The following RPS6KA5 variants were observed in gnomAD, a reference collection of about 807,000 sequenced individuals.
RPS6KA5 encodes the protein ribosomal protein S6 kinase alpha-5.
In RPS6KA5, 27 loss-of-function variants were observed where a neutral mutation model predicts 85.5. That is an observed-to-expected ratio of 0.32 (90% confidence interval 0.23 to 0.44). RPS6KA5 has a LOEUF of 0.44. RPS6KA5 is among the 20% of genes least tolerant of loss of function. The pLI is 1.00. For missense variants in RPS6KA5, 811 were observed against 980.9 expected (o/e 0.83, Z 2.31); for synonymous variants, 334 against 348.2 (o/e 0.96, Z 0.46).
chr14:90,872,184 A>T lies in RPS6KA5; in HGVS notation c.2299T>A (p.Ser767Thr). 6.2e-7 allele frequency: 1 copy of T among 1,613,536 alleles called. No individual in the cohort carries two copies. Among genetic ancestry groups the T allele is most frequent in the East Asian group, 2.2e-5 (1 of 44,862 alleles). Residue 767 changes from serine (S) to threonine (T), a missense_variant, in exon 17 of 17, where the codon TCC becomes ACC. Physicochemically the swap from Ser to Thr is moderately conservative, Grantham distance 58 (BLOSUM62 1). Around this residue, in one of 3 missense-constraint regions of RPS6KA5, gnomAD observed 650 missense variants for 793.4 expected, o/e 0.82. Coordinates refer to ENST00000614987, the MANE Select transcript of RPS6KA5 (RefSeq NM_004755.4). Reference protein sequence around the residue: ...SSSSESSHSSSSHSHGKTTPT... With the variant: ...SSSSESSHSSTSHSHGKTTPT... ...GTAGTTTTACCGTGAGAATGAGAGG[A>T]AGAAGAATGGGAACTCTCACTGGAA... is the stretch of plus-strand genomic sequence containing the variant.
At chr14:91,030,611 GAAAAAAAAAAAAAAA>G (rs58737573) in intron 1 of RPS6KA5, among the ~76,000 whole-genome samples, 21 of 22,026 alleles carry the variant, frequency 9.5e-4, no homozygotes, top group East Asian at 3.1e-3. Flanking sequence ...AAAATAAACA[GAAAAAAAAAAAAAAA>G]AAAAAAAAAA....
At chr14:90,940,721 G>A (rs777709756) in intron 5 of RPS6KA5, among the ~76,000 whole-genome samples, 48 of 152,214 alleles carry the variant, frequency 3.2e-4, no homozygotes, top group African/African-American at 8.4e-4. Flanking sequence ...ACTGGTCTGC[G>A]GCCTGTTAGG....
intron 1 of RPS6KA5, among the ~76,000 whole-genome samples, chr14:91,034,155 A>G (rs1246849245): frequency 2.6e-5 from 4 of 151,968 alleles, no homozygotes; most frequent in Admixed American, 1.3e-4. Context: ...ATACAAAAAA[A>G]TTTGCTGGGC....
intron 3 of RPS6KA5, among the ~76,000 whole-genome samples, chr14:90,959,361 T>C (rs2038683514): frequency 6.6e-6 from 1 of 152,202 alleles, no homozygotes; most frequent in African/African-American, 2.4e-5. Flanking sequence ...TTCATTTTAA[T>C]AGGAGCAATG....
Position 90,902,856 on chromosome 14 carries a change from G to A in RPS6KA5, c.1071C>T (p.Pro357=). Residue 357 remains proline (P), a synonymous_variant, in exon 9 of 17, where the codon CCC becomes CCT. Coordinates refer to ENST00000614987, the MANE Select transcript of RPS6KA5 (RefSeq NM_004755.4). ...NFAEEFTEMD[P]TYSPAALPQS... is the part of the protein sequence containing the mutation. ...GGGGCAGGGCTGCGGGAGAATAAGT[G>A]GGATCCATTTCTGTGAACTCTTCTG... 1.2e-6 allele frequency: 2 copies of A among 1,613,958 alleles called. No individual in the cohort carries two copies. Among genetic ancestry groups the A allele is most frequent in the Non-Finnish European group, 1.7e-6 (2 of 1,179,936 alleles).
intron 8 of RPS6KA5, among the ~76,000 whole-genome samples, chr14:90,905,776 T>C (rs1268841282): frequency 6.6e-6 from 1 of 152,192 alleles, no homozygotes; most frequent in Non-Finnish European, 1.5e-5. Context: ...TAATAGCTCA[T>C]GAACTGAGAC....
At chr14:90,960,594 A>C (rs1015675200) in intron 3 of RPS6KA5, among the ~76,000 whole-genome samples, 4 of 152,134 alleles carry the variant, frequency 2.6e-5, no homozygotes, top group Non-Finnish European at 5.9e-5. Flanking sequence ...TCCTCATATA[A>C]AATACATATT....
At chr14:91,002,084 T>C (rs1017967352) in intron 1 of RPS6KA5, among the ~76,000 whole-genome samples, 1 of 152,110 alleles carries the variant, frequency 6.6e-6, no homozygotes, top group Non-Finnish European at 1.5e-5. Context: ...TCTGTAGAAG[T>C]GGTTAAGAAA....
intron 1 of RPS6KA5, among the ~76,000 whole-genome samples, chr14:91,004,922 C>G (rs903526399): frequency 6.6e-6 from 1 of 151,334 alleles, no homozygotes; most frequent in African/African-American, 2.4e-5. Context: ...GAGCCAAGAT[C>G]GCGCGCCACT....
rs1555353344 is a variant in RPS6KA5, at chr14:90,854,150, T to G, written c.*17924A>C. On this transcript the variant is annotated 3_prime_UTR_variant, in exon 17 of 17. Transcript: ENST00000614987. ...GATATCTGTTTATATAGACTATTGA[T>G]GCAAACTAATTTTAAGTAATTATAG... 1 of 147,042 alleles carries G rather than the reference T, an allele frequency of 6.8e-6. No individual in the cohort carries two copies. Among genetic ancestry groups the G allele is most frequent in the Non-Finnish European group, 1.5e-5 (1 of 67,690 alleles). 9.1% of individuals were successfully genotyped at this position (147,042 alleles called of 1,614,324 possible).
At chr14:90,903,057 G>T (rs2035269589) in intron 8 of RPS6KA5, 88 bp from the exon 9 acceptor site, 4 of 1,092,638 alleles carry the variant, frequency 3.7e-6, no homozygotes, top group Non-Finnish European at 5.4e-6. Flanking sequence ...GATTTTGACT[G>T]GTAGGGAGAG....
In RPS6KA5 at chr14:91,009,703, G is replaced by A. The variant is rs184505518; in HGVS notation, c.104-8544C>T. Reference sequence around the variant, plus strand: ...TCAACACTGATTTTGAAGAATGGCAGAAAAAAACCCCAAAAGAGCTTTCAT... The same window carrying A: ...TCAACACTGATTTTGAAGAATGGCAAAAAAAAACCCCAAAAGAGCTTTCAT... On this transcript the variant is annotated intron_variant, in intron 1 of 16. Transcript: ENST00000614987. Among the ~76,000 whole-genome samples, 121 of 152,186 alleles carry A rather than the reference G, an allele frequency of 8.0e-4. 1 individual carries two copies. The highest frequency in any genetic ancestry group is 2.8e-3 in the African/African-American group (115 of 41,528).
rs56931570 is a variant in RPS6KA5 at position 90,852,886 on chromosome 14, C to T, written c.*19188G>A. ...CTGGGACTACAGGCGCCTGCCACCACGCCCGGCTAATTTTTGTTGTATTTT... is the reference window on the plus strand; with the variant it reads ...CTGGGACTACAGGCGCCTGCCACCATGCCCGGCTAATTTTTGTTGTATTTT... On this transcript the variant is annotated 3_prime_UTR_variant, in exon 17 of 17. Coordinates refer to ENST00000614987, the MANE Select transcript of RPS6KA5 (RefSeq NM_004755.4). 15,208 of 150,794 alleles carry T rather than the reference C, an allele frequency of 0.1. 1,825 individuals carry two copies. Among genetic ancestry groups the T allele is most frequent in the African/African-American group, 0.3 (12,132 of 41,114 alleles). The allele number at this position is 150,794 out of a possible 1,614,324, so 9.3% of individuals were successfully genotyped here.
intron 1 of RPS6KA5, among the ~76,000 whole-genome samples, chr14:91,034,609 G>T (rs2042324382): frequency 2.6e-5 from 4 of 152,076 alleles, no homozygotes; most frequent in Admixed American, 6.5e-5. Context: ...GCATGACATG[G>T]GCAGCAACAA....
intron 3 of RPS6KA5, among the ~76,000 whole-genome samples, chr14:90,957,110 AC>A (rs1419138373): frequency 1.3e-5 from 2 of 151,662 alleles, no homozygotes. Context: ...TGTCACCCAC[AC>A]TGAAGTACAG....
At chr14:90,913,406 T>C (rs2035940704) in intron 7 of RPS6KA5, among the ~76,000 whole-genome samples, 2 of 152,212 alleles carry the variant, frequency 1.3e-5, no homozygotes, top group South Asian at 2.1e-4. Flanking sequence ...TGAAAAGAGC[T>C]TTCTTTTTAA....
chr14:90,993,250 G>A (rs1451393856), intron 2 of RPS6KA5, among the ~76,000 whole-genome samples: 1 of 152,140 alleles, frequency 6.6e-6, no homozygotes, highest in African/African-American at 2.4e-5. Flanking sequence ...GATCGGCCTG[G>A]CTAATATGGT....
chr14:91,052,817 A>G (rs1228354929), intron 1 of RPS6KA5, among the ~76,000 whole-genome samples: 1 of 139,212 alleles, frequency 7.2e-6, no homozygotes, highest in Non-Finnish European at 1.5e-5. Context: ...CTGGGAACAG[A>G]GCGAGACTCC....
intron 1 of RPS6KA5, among the ~76,000 whole-genome samples, chr14:91,014,130 C>T (rs918154248): frequency 6.6e-6 from 1 of 152,088 alleles, no homozygotes; most frequent in African/African-American, 2.4e-5. Flanking sequence ...AAAGAGTGAA[C>T]TTTATTGCAT....
Sources: gnomAD v4.1 joint callset for allele counts (sites outside exome capture counted in the v4.1 genomes callset) on GRCh38, gnomAD v4.1.1 for gene constraint, gnomAD v4.1.1 regional missense constraint, MANE v1.5 for transcripts, NCBI Gene and HGNC (gene_info 2026-07-23, HGNC 2026-07-21) for gene names.